The following ALDH6A1 variants were observed in gnomAD, a reference collection of about 807,000 sequenced individuals.
ALDH6A1 encodes aldehyde dehydrogenase 6 family member A1.
A neutral mutation model predicts 62.6 loss-of-function variants in ALDH6A1; 43 were observed. The observed-to-expected ratio is 0.69, with a 90% CI of 0.54 to 0.89. The LOEUF is 0.89. Among genes scored for constraint, ALDH6A1 ranks in the 40% least tolerant of loss-of-function variants. ALDH6A1 has a pLI of 0.00. For missense variants in ALDH6A1, 551 were observed against 661.3 expected (o/e 0.83, Z 1.83); for synonymous variants, 194 against 234.2 (o/e 0.83, Z 1.57).
Position 74,072,433 on chromosome 14 carries a change from A to G in ALDH6A1, c.187-69T>C, listed in dbSNP as rs142563347. The G allele has an allele frequency of 6.3e-4, 1,009 of 1,613,682 alleles. 3 individuals carry two copies. Among genetic ancestry groups the G allele is most frequent in the Non-Finnish European group, 7.1e-4 (836 of 1,179,632 alleles). On this transcript the variant is annotated intron_variant, in intron 3 of 11. Coordinates refer to ENST00000553458, the MANE Select transcript of ALDH6A1 (RefSeq NM_005589.4). ...TCTCCACTGTACATCCAGTCACAGAAGTGGCACTATGTGCTTTACAACAGA... is the reference window on the plus strand; with the variant it reads ...TCTCCACTGTACATCCAGTCACAGAGGTGGCACTATGTGCTTTACAACAGA...
intron 1 of ALDH6A1, among the ~76,000 whole-genome samples, chr14:74,082,486 G>A (rs559956530): frequency 2.2e-5 from 3 of 134,804 alleles, no homozygotes; most frequent in Admixed American, 1.8e-4. Flanking sequence ...TGCAACCTCC[G>A]TCTTCCGGGT....
At chr14:74,071,820 C>A (rs1389767481) in intron 5 of ALDH6A1, 76 bp downstream of exon 5, 1 of 1,537,706 alleles carries the variant, frequency 6.5e-7, no homozygotes, top group African/African-American at 1.4e-5. Context: ...GAAGAAGCAA[C>A]CTCCCATTCT....
intron 6 of ALDH6A1, chr14:74,070,631 G>A (rs1403415561): frequency 1.3e-5 from 2 of 159,728 alleles, no homozygotes; most frequent in Admixed American, 6.0e-5. Context: ...GCAAAAATCA[G>A]AGTCAGCCTT....
intron 9 of ALDH6A1, chr14:74,065,611 A>G (rs1410189760): frequency 2.0e-6 from 1 of 489,542 alleles, no homozygotes; most frequent in South Asian, 2.1e-5. Flanking sequence ...AAGGGACTGT[A>G]TCTTTAGTTC....
chr14:74,062,703 G>A (rs1030725948), intron 11 of ALDH6A1, among the ~76,000 whole-genome samples: 1 of 152,084 alleles, frequency 6.6e-6, no homozygotes, highest in African/African-American at 2.4e-5. Flanking sequence ...TGGCCACACT[G>A]TCATAATGCT....
intron 6 of ALDH6A1, among the ~76,000 whole-genome samples, chr14:74,069,808 T>A (rs1287336730): frequency 6.6e-6 from 1 of 151,902 alleles, no homozygotes; most frequent in Non-Finnish European, 1.5e-5. Flanking sequence ...CTTTCATGAT[T>A]TTTCTCATTT....
chr14:74,065,374 T>C lies in ALDH6A1; in HGVS notation c.1225-14A>G. 2 of 1,613,454 alleles carry C rather than the reference T, an allele frequency of 1.2e-6. No individual in the cohort carries two copies. Among genetic ancestry groups the C allele is most frequent in the Non-Finnish European group, 1.7e-6 (2 of 1,179,862 alleles). On this transcript the variant is annotated splice_polypyrimidine_tract_variant and intron_variant, in intron 9 of 11. Transcript: ENST00000553458. ...GGTCATATTTGGCTGCCAGGAGTGA[T>C]GCATCCAGAAAAGAAGTCAGCTTTT...
At position 74,070,290 on chromosome 14, in the gene ALDH6A1, G is replaced by A. The variant is rs10129293; in HGVS notation, c.730+905C>T. Among the ~76,000 whole-genome samples, 1,420 of 152,076 alleles carry A rather than the reference G, an allele frequency of 9.3e-3. 26 individuals are homozygous for A. The highest frequency in any genetic ancestry group is 0.033 in the African/African-American group (1,358 of 41,500). On this transcript the variant is annotated intron_variant, in intron 6 of 11. Coordinates refer to ENST00000553458, the MANE Select transcript of ALDH6A1 (RefSeq NM_005589.4). ...TCCCAGCACTTTGGGAGGCCGAGGC[G>A]GGTGGATCACCTGAGGTCAGGAGTT...
intron 6 of ALDH6A1, among the ~76,000 whole-genome samples, chr14:74,069,963 C>T (rs946444363): frequency 4.0e-5 from 6 of 150,964 alleles, no homozygotes; most frequent in Admixed American, 2.6e-4. Context: ...GCTGTCTTCC[C>T]ACCTCATGGG....
At chr14:74,082,359 T>C (rs2060677017) in intron 1 of ALDH6A1, among the ~76,000 whole-genome samples, 1 of 151,216 alleles carries the variant, frequency 6.6e-6, no homozygotes, top group African/African-American at 2.4e-5. Context: ...ATCCTTTTGA[T>C]AGTTCTCTAA....
chr14:74,071,620 C>T lies in ALDH6A1; in HGVS notation c.428-123G>A, dbSNP rs925954331. ...AATGAAGGGGTGCAGGGTACACTGA[C>T]TTGCCCTTCCAAGTTAAGGGTTTGT... On this transcript the variant is annotated intron_variant, in intron 5 of 11. Transcript: ENST00000553458. 8 of 1,576,408 alleles carry T rather than the reference C, an allele frequency of 5.1e-6. No individual in the cohort carries two copies. In the African/African-American group the frequency reaches 8.1e-5, roughly 16 times the overall value.
Position 74,061,440 on chromosome 14 carries a change from T to G in ALDH6A1, c.1504-694A>C, listed in dbSNP as rs557227986. Among the ~76,000 whole-genome samples, 6 of 152,318 alleles carry G rather than the reference T, an allele frequency of 3.9e-5. No homozygotes were observed. In the South Asian group the frequency reaches 1.0e-3, roughly 26 times the overall value. On this transcript the variant is annotated intron_variant, in intron 11 of 11. Coordinates refer to ENST00000553458, the MANE Select transcript of ALDH6A1 (RefSeq NM_005589.4). ...CCTCAGCCTTCTGAATAGCTGGGAT[T>G]ACAAGTGTGTGCCACCATGCCCAGC...
chr14:74,069,218 C>T, intron 6 of ALDH6A1: 1 of 407,448 alleles, frequency 2.5e-6, no homozygotes, highest in Non-Finnish European at 4.6e-6. Flanking sequence ...AATTCTCTGC[C>T]TCAGCCTCCC....
rs1272998324 is a variant in ALDH6A1 at position 74,065,315 on chromosome 14, C to T, written c.1270G>A (p.Val424Met). ...TCCAATGTTTCTGTCTCCAGAACCA[C>T]AAGAACTGGACCAAAAATCTCCTCT... ...YKEEIFGPVLVVLETETLDEA... is the reference protein window; with the variant it reads ...YKEEIFGPVLMVLETETLDEA... Residue 424 changes from valine to methionine, a missense_variant, in exon 10 of 12, where the codon GTG becomes ATG. Coordinates refer to ENST00000553458, the MANE Select transcript of ALDH6A1 (RefSeq NM_005589.4). 2 of 1,613,986 alleles carry T rather than the reference C, an allele frequency of 1.2e-6. No homozygotes were observed. The highest frequency in any genetic ancestry group is 2.2e-5 in the East Asian group (1 of 44,892).
intron 2 of ALDH6A1, among the ~76,000 whole-genome samples, chr14:74,073,656 C>A (rs991331074): frequency 3.3e-5 from 5 of 152,056 alleles, no homozygotes; most frequent in Admixed American, 2.6e-4. Flanking sequence ...ATGGCTCACG[C>A]CTGTAATCCC....
chr14:74,084,252 G>A lies in ALDH6A1; in HGVS notation c.48+95C>T. On this transcript the variant is annotated intron_variant, in intron 1 of 11. Transcript: ENST00000553458. ...GGAGGTCTGGCCAAAAAGGGGTTGG[G>A]CCAAGAAGGTGGTCCCGCCCGAGGA... 5 of 1,579,536 alleles carry A rather than the reference G, an allele frequency of 3.2e-6. No homozygotes were observed. The South Asian group carries it at 3.4e-5, about 11-fold the overall frequency.
Position 74,060,239 on chromosome 14 carries a change from A to G in ALDH6A1, c.*403T>C, listed in dbSNP as rs1135885. 46,881 of 181,814 alleles carry G rather than the reference A, an allele frequency of 0.26. 7,250 individuals carry two copies. The highest frequency in any genetic ancestry group is 0.47 in the South Asian group (3,913 of 8,260). The allele number at this position is 181,814 out of a possible 1,614,324, so 11.3% of individuals were successfully genotyped here. A position where few individuals can be genotyped will look rare whatever the true frequency, so the allele number is the denominator to read the frequency against. On this transcript the variant is annotated 3_prime_UTR_variant, in exon 12 of 12. Transcript: ENST00000553458. The stretch of plus-strand genomic sequence containing the variant: ...GTTCTTCAACTCCTGGGCTCAAGCA[A>G]TCTGCCCACTGTGGCCTCCCAAAAT...
chr14:74,064,129 C>G (rs185221412), intron 11 of ALDH6A1, among the ~76,000 whole-genome samples: 30 of 151,536 alleles, frequency 2.0e-4, no homozygotes, highest in African/African-American at 7.0e-4. Flanking sequence ...GAAACCCTGT[C>G]TCTACTAAAA....
At chr14:74,065,605 G>A (rs1173902335) in intron 9 of ALDH6A1, 1 of 501,908 alleles carries the variant, frequency 2.0e-6, no homozygotes, top group Non-Finnish European at 3.6e-6. Flanking sequence ...TCCTTTAAGG[G>A]ACTGTATCTT....
Sources: allele counts gnomAD v4.1 joint callset (sites outside exome capture counted in the v4.1 genomes callset), GRCh38; gene constraint gnomAD v4.1.1; transcripts MANE v1.5; gene names NCBI Gene and HGNC (gene_info 2026-07-23, HGNC 2026-07-21).